The following GRAMD1C variants were observed in gnomAD, a reference collection of about 807,000 sequenced individuals.
GRAMD1C encodes the protein protein Aster-C.
Under a neutral mutation model 97.8 loss-of-function variants are expected in GRAMD1C, and 89 were observed. The observed-to-expected ratio is 0.91, with a 90% CI of 0.77 to 1.09. The LOEUF (loss-of-function observed/expected upper bound fraction) is 1.09. GRAMD1C is among the 50% of genes least tolerant of loss of function. GRAMD1C has a pLI of 0.00. For synonymous variants in GRAMD1C, 256 were observed against 267.0 expected (o/e 0.96, Z 0.40); for missense variants, 740 against 766.4 (o/e 0.97, Z 0.41).
At position 113,882,656 on chromosome 3, in the gene GRAMD1C, G is replaced by C. The variant is rs1022064833; in HGVS notation, c.460-96G>C. On this transcript the variant is annotated intron_variant, in intron 5 of 17. Coordinates refer to ENST00000358160, the MANE Select transcript of GRAMD1C (RefSeq NM_017577.5). ...GTAGGCAGTGTTGACCTACTAGTTT[G>C]TTTTAACCATAAGCAAGTCCGCATA... 12 of 724,152 alleles carry C rather than the reference G, an allele frequency of 1.7e-5. No individual in the cohort carries two copies. In the African/African-American group the frequency reaches 2.1e-4, roughly 12 times the overall value. The allele number at this position is 724,152 out of a possible 1,614,324, so 44.9% of individuals were successfully genotyped here. A position where few individuals can be genotyped will look rare whatever the true frequency, so the allele number is the denominator to read the frequency against.
At chr3:113,849,041 A>G (rs934133889) in intron 2 of GRAMD1C, among the ~76,000 whole-genome samples, 2 of 152,110 alleles carry the variant, frequency 1.3e-5, no homozygotes, top group African/African-American at 4.8e-5. Flanking sequence ...CTTCTTGGCT[A>G]GAGTAATAGT....
chr3:113,916,236 C>A (rs1345728879), intron 10 of GRAMD1C, among the ~76,000 whole-genome samples: 3 of 152,198 alleles, frequency 2.0e-5, no homozygotes, highest in African/African-American at 4.8e-5. Context: ...TGTGACTCAG[C>A]AGTTCCACTC....
At chr3:113,892,638 C>T (rs994707881) in intron 6 of GRAMD1C, among the ~76,000 whole-genome samples, 2 of 152,122 alleles carry the variant, frequency 1.3e-5, no homozygotes, top group South Asian at 2.1e-4. Context: ...TAATTTATAG[C>T]GCTTCAGCTT....
chr3:113,939,820 T>C, intron 15 of GRAMD1C, 66 bp from the exon 16 acceptor site: 1 of 812,042 alleles, frequency 1.2e-6, no homozygotes, highest in South Asian at 1.4e-5. Flanking sequence ...TTTGCATGTA[T>C]ATTCTGCATT....
chr3:113,930,535 A>T (rs1478409275), intron 10 of GRAMD1C, among the ~76,000 whole-genome samples, 179 bp from the exon 11 acceptor site: 1 of 152,248 alleles, frequency 6.6e-6, no homozygotes. Context: ...ACATTTAAGG[A>T]GAGTGCTTAA....
intron 6 of GRAMD1C, among the ~76,000 whole-genome samples, chr3:113,898,907 G>C (rs1936038677): frequency 6.6e-6 from 1 of 151,884 alleles, no homozygotes; most frequent in African/African-American, 2.4e-5. Flanking sequence ...ACAGTAGATT[G>C]GGAACTAGTG....
At chr3:113,886,167 C>T (rs1423007460) in intron 6 of GRAMD1C, 8 of 1,443,046 alleles carry the variant, frequency 5.5e-6, no homozygotes, top group Admixed American at 2.4e-5. Context: ...CCCCTCTCTG[C>T]CCTGGGAGCC....
intron 2 of GRAMD1C, among the ~76,000 whole-genome samples, chr3:113,855,722 G>GA (rs1206440440): frequency 2.7e-5 from 4 of 150,722 alleles, no homozygotes; most frequent in Non-Finnish European, 5.9e-5. Context: ...AAAAAAGAAA[G>GA]AAAAAAATCA....
intron 2 of GRAMD1C, among the ~76,000 whole-genome samples, chr3:113,849,024 T>A (rs1039974224): frequency 1.3e-5 from 2 of 151,834 alleles, no homozygotes; most frequent in Non-Finnish European, 2.9e-5. Context: ...AACAAAAGAC[T>A]TACTTTCTTC....
At chr3:113,864,636 T>A (rs1934513798) in intron 2 of GRAMD1C, among the ~76,000 whole-genome samples, 1 of 152,162 alleles carries the variant, frequency 6.6e-6, no homozygotes, top group African/African-American at 2.4e-5. Flanking sequence ...TTTGCTCCAG[T>A]TCCCAATAAG....
chr3:113,926,740 A>G (rs1370021440), intron 10 of GRAMD1C, among the ~76,000 whole-genome samples: 1 of 152,108 alleles, frequency 6.6e-6, no homozygotes, highest in Non-Finnish European at 1.5e-5. Context: ...TCAGTTGACC[A>G]TCTTCACTTC....
At position 113,915,765 on chromosome 3, in the gene GRAMD1C, T is replaced by C. The variant is rs568877613; in HGVS notation, c.1017T>C (p.Ala339=). 3.0e-5 allele frequency: 49 copies of C among 1,609,940 alleles called. 1 individual carries two copies. In the Middle Eastern group the frequency reaches 6.6e-4, roughly 22 times the overall value. The change falls in exon 10 of 18, where the codon GCT becomes GCC. Residue 339 remains alanine (A), a synonymous_variant. Coordinates refer to ENST00000358160, the MANE Select transcript of GRAMD1C (RefSeq NM_017577.5). ...LFINRIFHIS[A]DRMFELLFTS... The stretch of plus-strand genomic sequence containing the variant: ...TCAACCGTATTTTTCATATCAGTGC[T>C]GACAGAATGTTTGAATTGCTCTTTA...
Position 113,876,194 on chromosome 3 carries a change from C to T in GRAMD1C, c.393C>T (p.Phe131=). The change falls in exon 5 of 18, where the codon TTC becomes TTT. Residue 131 remains phenylalanine, a synonymous_variant. Coordinates refer to ENST00000358160, the MANE Select transcript of GRAMD1C (RefSeq NM_017577.5). ...TISIALKNIT[F]MTKEKTARLI... ...CTATTGCTTTAAAGAATATAACCTT[C>T]ATGACCAAGGAAAAAACTGCTCGAC... 1 of 1,595,476 alleles carries T rather than the reference C, an allele frequency of 6.3e-7. No homozygotes were observed. Among genetic ancestry groups the T allele is most frequent in the Non-Finnish European group, 8.6e-7 (1 of 1,164,010 alleles).
intron 3 of GRAMD1C, among the ~76,000 whole-genome samples, chr3:113,871,756 A>AAAC (rs1559787232): frequency 1.3e-5 from 2 of 149,228 alleles, no homozygotes; most frequent in Non-Finnish European, 3.0e-5. Context: ...AAAAAAAAAA[A>AAAC]AAAAAAAAAA....
At chr3:113,937,619 A>G (rs1169102285) in intron 14 of GRAMD1C, among the ~76,000 whole-genome samples, 2 of 152,248 alleles carry the variant, frequency 1.3e-5, no homozygotes, top group Non-Finnish European at 2.9e-5. Flanking sequence ...AAATAAAAAA[A>G]GGGGTGCAGG....
At chr3:113,911,681 TTC>T (rs990988586) in intron 9 of GRAMD1C, among the ~76,000 whole-genome samples, 11 of 150,818 alleles carry the variant, frequency 7.3e-5, no homozygotes, top group Admixed American at 2.0e-4. Context: ...CTCTCTCTCT[TTC>T]TCTCTCTGTT....
chr3:113,894,874 T>A lies in GRAMD1C; in HGVS notation c.541-6157T>A, dbSNP rs190507674. Reference sequence around the variant, plus strand: ...CAGATATACGCTGTCTAAATTCTGATACATGTTACTCTAGCTTCTATTTTG... The same window carrying A: ...CAGATATACGCTGTCTAAATTCTGAAACATGTTACTCTAGCTTCTATTTTG... On this transcript the variant is annotated intron_variant, in intron 6 of 17. Transcript: ENST00000358160. 2.7e-3 allele frequency among the ~76,000 whole-genome samples: 405 copies of A among 152,338 alleles called. 3 individuals are homozygous for A. Among genetic ancestry groups the A allele is most frequent in the African/African-American group, 9.4e-3 (392 of 41,572 alleles).
chr3:113,905,228 T>G (rs564389984), intron 8 of GRAMD1C, among the ~76,000 whole-genome samples: 2 of 152,388 alleles, frequency 1.3e-5, no homozygotes, highest in South Asian at 4.1e-4. Context: ...CCCCTTCAAG[T>G]TGGTTCCTTT....
rs1015768341 is a variant in GRAMD1C at position 113,870,375 on chromosome 3, C to A, written c.259+784C>A. Among the ~76,000 whole-genome samples the A allele has an allele frequency of 4.0e-5, 6 of 149,438 alleles. No homozygotes were observed. In the South Asian group the frequency reaches 1.3e-3, roughly 32 times the overall value. On this transcript the variant is annotated intron_variant, in intron 3 of 17. Transcript: ENST00000358160. ...AGACCCTGACCCACCCCCAAACCCCCGCTCAAAAAAAAAAAGAGAGAGAGA... is the reference window on the plus strand; with the variant it reads ...AGACCCTGACCCACCCCCAAACCCCAGCTCAAAAAAAAAAAGAGAGAGAGA...
Sources: allele counts gnomAD v4.1 joint callset (sites outside exome capture counted in the v4.1 genomes callset), GRCh38; gene constraint gnomAD v4.1.1; transcripts MANE v1.5; gene names NCBI Gene and HGNC (gene_info 2026-07-23, HGNC 2026-07-21).